The following THRB variants were observed in gnomAD, a reference collection of about 807,000 sequenced individuals.
The protein encoded by THRB is thyroid hormone receptor beta, also known as nuclear receptor subfamily 1 group A member 2.
THRB carries 12 observed loss-of-function variants against 47.8 expected under a neutral mutation model. The observed-to-expected ratio is 0.25, with a 90% CI of 0.16 to 0.41. The LOEUF (loss-of-function observed/expected upper bound fraction) is 0.41, where lower values mean the gene tolerates loss of function less well. Among genes scored for constraint, THRB ranks in the 10% least tolerant of loss-of-function variants. The pLI, the probability that THRB is intolerant of heterozygous loss-of-function variation, is 1.00. For missense variants in THRB, 348 were observed against 589.2 expected (o/e 0.59, Z 4.24); for synonymous variants, 218 against 212.2 (o/e 1.03, Z -0.24).
chr3:24,443,559 T>A (rs566099582), intron 1 of THRB, among the ~76,000 whole-genome samples: 1 of 152,244 alleles, frequency 6.6e-6, no homozygotes, highest in East Asian at 1.9e-4. Flanking sequence ...GATACAATAA[T>A]CTCAAACAAA....
intron 2 of THRB, among the ~76,000 whole-genome samples, chr3:24,326,698 A>C (rs908330333): frequency 6.7e-6 from 1 of 149,782 alleles, no homozygotes; most frequent in Admixed American, 6.7e-5. Flanking sequence ...GCAAACTCCC[A>C]AACCAGAAAT....
intron 1 of THRB, among the ~76,000 whole-genome samples, chr3:24,466,782 T>C (rs1227352068): frequency 6.6e-6 from 1 of 152,232 alleles, no homozygotes; most frequent in Non-Finnish European, 1.5e-5. Flanking sequence ...CTAATGATTA[T>C]CTGAGCCTTT....
intron 1 of THRB, among the ~76,000 whole-genome samples, chr3:24,338,271 C>G (rs1479471349): frequency 6.6e-6 from 1 of 152,114 alleles, no homozygotes; most frequent in Non-Finnish European, 1.5e-5. Context: ...GGTATAATCT[C>G]CTTGACAACC....
intron 1 of THRB, among the ~76,000 whole-genome samples, chr3:24,389,460 T>C (rs1369879620): frequency 1.3e-5 from 2 of 152,204 alleles, no homozygotes. Flanking sequence ...TTTATTATTA[T>C]AGCAACGCTT....
intron 5 of THRB, among the ~76,000 whole-genome samples, chr3:24,164,552 T>C (rs1004471205): frequency 2.0e-5 from 3 of 152,202 alleles, no homozygotes; most frequent in African/African-American, 7.2e-5. Context: ...AGTATAGTAC[T>C]GTTAAAGAAA....
At chr3:24,375,477 A>G (rs936860908) in intron 1 of THRB, among the ~76,000 whole-genome samples, 3 of 145,550 alleles carry the variant, frequency 2.1e-5, no homozygotes, top group Non-Finnish European at 4.5e-5. Context: ...TTAATATATT[A>G]TAGTTAGACA....
intron 1 of THRB, among the ~76,000 whole-genome samples, chr3:24,416,361 G>A (rs1055557502): frequency 1.3e-5 from 2 of 151,746 alleles, no homozygotes; most frequent in African/African-American, 4.8e-5. Context: ...CTCGCTGATG[G>A]GATGAAGATA....
intron 4 of THRB, among the ~76,000 whole-genome samples, chr3:24,216,084 A>G (rs184183573): frequency 5.9e-5 from 9 of 152,358 alleles, no homozygotes; most frequent in South Asian, 4.1e-4. Flanking sequence ...TAGCTTGGCT[A>G]TCTTTTATAT....
chr3:24,169,000 C>T (rs1255766524), intron 5 of THRB, among the ~76,000 whole-genome samples: 2 of 151,990 alleles, frequency 1.3e-5, no homozygotes, highest in East Asian at 3.9e-4. Context: ...GCAGAAATGT[C>T]TTAGGAAGGG....
At chr3:24,250,918 T>C (rs1359194055) in intron 3 of THRB, among the ~76,000 whole-genome samples, 8 of 151,926 alleles carry the variant, frequency 5.3e-5, no homozygotes, top group Admixed American at 6.6e-5. Context: ...AGAATAATTA[T>C]AGCATGTGAC....
chr3:24,364,573 G>C (rs1055121227), intron 1 of THRB, among the ~76,000 whole-genome samples: 1 of 152,124 alleles, frequency 6.6e-6, no homozygotes, highest in African/African-American at 2.4e-5. Flanking sequence ...TCTGTGTCAC[G>C]TAGGTAGTAA....
intron 5 of THRB, among the ~76,000 whole-genome samples, chr3:24,180,930 T>C (rs2041816153): frequency 6.6e-6 from 1 of 152,194 alleles, no homozygotes; most frequent in Admixed American, 6.5e-5. Context: ...GGTAAGGATG[T>C]AAGTCAGTAC....
At chr3:24,412,453 T>A (rs953617185) in intron 1 of THRB, among the ~76,000 whole-genome samples, 7 of 151,812 alleles carry the variant, frequency 4.6e-5, no homozygotes, top group African/African-American at 1.7e-4. Context: ...GAGATAACTG[T>A]TTAGGAGCTT....
chr3:24,310,821 A>G (rs1292145977), intron 2 of THRB, among the ~76,000 whole-genome samples: 1 of 152,160 alleles, frequency 6.6e-6, no homozygotes, highest in Non-Finnish European at 1.5e-5. Context: ...CCCCACCACA[A>G]ATAATTATCT....
At chr3:24,464,420 A>C (rs373672001) in intron 1 of THRB, among the ~76,000 whole-genome samples, 2 of 152,204 alleles carry the variant, frequency 1.3e-5, no homozygotes, top group East Asian at 3.8e-4. Flanking sequence ...TATTTTGTCT[A>C]ATATGAATAT....
chr3:24,263,934 C>G (rs1430454935), intron 3 of THRB, among the ~76,000 whole-genome samples: 1 of 152,104 alleles, frequency 6.6e-6, no homozygotes, highest in Non-Finnish European at 1.5e-5. Flanking sequence ...GTTTTGGAGG[C>G]ACTGAACTGA....
chr3:24,380,618 T>A (rs13086758), intron 1 of THRB, among the ~76,000 whole-genome samples: 21,862 of 152,170 alleles, frequency 0.14, 2,069 homozygotes, highest in Middle Eastern at 0.22. Flanking sequence ...TATTCTTTAC[T>A]TTTGTCTCTG....
intron 1 of THRB, among the ~76,000 whole-genome samples, chr3:24,441,621 A>C (rs2071531533): frequency 1.3e-5 from 2 of 152,198 alleles, no homozygotes. Context: ...AATGTAAAAC[A>C]TAGCATAATC....
At chr3:24,299,815 A>G (rs2056804590) in intron 2 of THRB, among the ~76,000 whole-genome samples, 1 of 129,298 alleles carries the variant, frequency 7.7e-6, no homozygotes. Context: ...CAAACATACC[A>G]GAGTTTATAC....
Sources: allele counts gnomAD v4.1 joint callset (sites outside exome capture counted in the v4.1 genomes callset), GRCh38; gene constraint gnomAD v4.1.1; transcripts MANE v1.5; gene names NCBI Gene and HGNC (gene_info 2026-07-23, HGNC 2026-07-21).